The following RASEF variants were observed in gnomAD, a reference collection of about 807,000 sequenced individuals.
RASEF encodes ras and EF-hand domain-containing protein.
RASEF carries 68 observed loss-of-function variants against 90.1 expected under a neutral mutation model. That is an observed-to-expected ratio of 0.75 (90% CI 0.62 to 0.92). The LOEUF (loss-of-function observed/expected upper bound fraction) is 0.92. Among genes scored for constraint, RASEF ranks in the 40% least tolerant of loss-of-function variants. The pLI, the probability that RASEF is intolerant of heterozygous loss-of-function variation, is 0.00. For missense variants in RASEF, 949 were observed against 937.2 expected (o/e 1.01, Z -0.16); for synonymous variants, 331 against 345.2 (o/e 0.96, Z 0.46).
intron 1 of RASEF, 80 bp downstream of exon 1, chr9:83,062,357 G>A: frequency 7.1e-7 from 1 of 1,408,502 alleles, no homozygotes; most frequent in Non-Finnish European, 9.9e-7. Context: ...GGGCCATTGG[G>A]TCTGCACACC....
Position 82,992,900 on chromosome 9 carries a change from T to C in RASEF, c.2040+6A>G, listed in dbSNP as rs757337282. 1.2e-6 allele frequency: 2 copies of C among 1,613,580 alleles called. No homozygotes were observed. Among genetic ancestry groups the C allele is most frequent in the Non-Finnish European group, 8.5e-7 (1 of 1,179,730 alleles). ...TCTTCTAATTCTGAGGCATCCTCAC[T>C]CTTACCATGGCCAGTTTCTCTCCAA... is the stretch of plus-strand genomic sequence containing the variant. On this transcript the variant is annotated splice_donor_region_variant and intron_variant, in intron 15 of 16. Transcript: ENST00000376447.
At chr9:82,988,405 C>CA (rs1378133667) in intron 16 of RASEF, among the ~76,000 whole-genome samples, 1 of 152,108 alleles carries the variant, frequency 6.6e-6, no homozygotes, top group African/African-American at 2.4e-5. Context: ...AAAAAACACA[C>CA]AAAATAACCC....
chr9:83,012,402 T>G, intron 5 of RASEF, 32 bp downstream of exon 5: 1 of 1,193,528 alleles, frequency 8.4e-7, no homozygotes, highest in Non-Finnish European at 1.2e-6. Flanking sequence ...TAACAGGAAG[T>G]GCATTTCTGT....
chr9:83,025,646 C>G, intron 2 of RASEF, 129 bp downstream of exon 2: 1 of 866,070 alleles, frequency 1.2e-6, no homozygotes, highest in East Asian at 2.7e-5. Flanking sequence ...TTTGAAAGCT[C>G]TAGACTCCTC....
intron 3 of RASEF, among the ~76,000 whole-genome samples, chr9:83,018,837 C>T (rs1306624938): frequency 2.0e-5 from 3 of 151,960 alleles, no homozygotes; most frequent in Non-Finnish European, 4.4e-5. Flanking sequence ...TGGAACAGAA[C>T]AGAGAGCCCA....
chr9:83,201,393 C>T, the RASEF span, among the ~76,000 whole-genome samples: 6 of 152,280 alleles, frequency 3.9e-5, no homozygotes, highest in East Asian at 7.7e-4. Context: ...ATGCCTTGGA[C>T]GTAGAGGATG....
intron 2 of RASEF, among the ~76,000 whole-genome samples, chr9:83,024,670 C>A (rs747496442): frequency 2.6e-5 from 4 of 152,122 alleles, no homozygotes; most frequent in African/African-American, 9.7e-5. Flanking sequence ...CATAAGAAAT[C>A]CCTTGTGAAT....
the RASEF span, among the ~76,000 whole-genome samples, chr9:83,140,822 G>C: frequency 3.3e-5 from 5 of 152,198 alleles, no homozygotes; most frequent in East Asian, 9.7e-4. Context: ...AGAAAAAATT[G>C]ATGGAAATAG....
the RASEF span, among the ~76,000 whole-genome samples, chr9:83,143,201 C>T: frequency 6.6e-6 from 1 of 152,120 alleles, no homozygotes; most frequent in Non-Finnish European, 1.5e-5. Flanking sequence ...CCTGCTTGCA[C>T]AATTGCAACA....
chr9:83,018,751 A>G (rs1317920566), intron 3 of RASEF, among the ~76,000 whole-genome samples: 1 of 152,110 alleles, frequency 6.6e-6, no homozygotes, highest in African/African-American at 2.4e-5. Context: ...TTATAAACCA[A>G]CAGGTATCAA....
intron 16 of RASEF, among the ~76,000 whole-genome samples, chr9:82,988,890 G>GA (rs1163727840): frequency 2.0e-5 from 3 of 152,158 alleles, no homozygotes; most frequent in Admixed American, 6.5e-5. Flanking sequence ...AATGCAAAAG[G>GA]AAAAAATGTG....
the RASEF span, among the ~76,000 whole-genome samples, chr9:83,148,815 G>A: frequency 6.6e-6 from 1 of 152,172 alleles, no homozygotes; most frequent in African/African-American, 2.4e-5. Flanking sequence ...CTGTCTCATG[G>A]GGAGCTGGGG....
At chr9:83,038,837 G>C (rs915304419) in intron 1 of RASEF, among the ~76,000 whole-genome samples, 6 of 152,090 alleles carry the variant, frequency 3.9e-5, no homozygotes, top group African/African-American at 1.4e-4. Flanking sequence ...TCCTGGTTTA[G>C]GGAATCAATT....
At chr9:83,124,364 G>T in the RASEF span, among the ~76,000 whole-genome samples, 3 of 152,148 alleles carry the variant, frequency 2.0e-5, no homozygotes, top group Non-Finnish European at 4.4e-5. Context: ...TTTTTTAGGA[G>T]AATTCAGTCA....
At chr9:83,042,724 G>C (rs949220629) in intron 1 of RASEF, among the ~76,000 whole-genome samples, 1 of 151,796 alleles carries the variant, frequency 6.6e-6, no homozygotes, top group East Asian at 1.9e-4. Context: ...TCCAAAAGGA[G>C]GTTGGAAAGT....
chr9:82,987,607 T>G (rs1045675926), intron 16 of RASEF, among the ~76,000 whole-genome samples: 20 of 152,146 alleles, frequency 1.3e-4, no homozygotes, highest in Non-Finnish European at 2.8e-4. Flanking sequence ...CTCCCATCTT[T>G]ATGACATAAT....
the RASEF span, among the ~76,000 whole-genome samples, chr9:83,190,477 T>G: frequency 2.6e-5 from 4 of 152,166 alleles, no homozygotes; most frequent in African/African-American, 9.7e-5. Context: ...CTCATTTATG[T>G]GCTATCTCGA....
the RASEF span, among the ~76,000 whole-genome samples, chr9:83,153,589 C>T: frequency 6.6e-6 from 1 of 152,192 alleles, no homozygotes; most frequent in Non-Finnish European, 1.5e-5. Flanking sequence ...GAAGTTACAG[C>T]ATTTCTTCTC....
At chr9:83,156,899 G>T in the RASEF span, among the ~76,000 whole-genome samples, 2 of 152,174 alleles carry the variant, frequency 1.3e-5, no homozygotes, top group African/African-American at 4.8e-5. Context: ...GTGATAAACA[G>T]TTTTCACTGT....
Sources: allele counts gnomAD v4.1 joint callset (sites outside exome capture counted in the v4.1 genomes callset), GRCh38; gene constraint gnomAD v4.1.1; transcripts MANE v1.5; gene names NCBI Gene and HGNC (gene_info 2026-07-23, HGNC 2026-07-21).